Variants in MYO18B observed in about 807,000 individuals in gnomAD.
MYO18B encodes myosin XVIIIB.
MYO18B carries 204 observed loss-of-function variants against 273.0 expected under a neutral mutation model. The ratio of observed to expected loss-of-function variants is 0.75; its 90% CI spans 0.67 to 0.84. The LOEUF (loss-of-function observed/expected upper bound fraction) is 0.84. Among genes scored for constraint, MYO18B ranks in the 40% least tolerant of loss-of-function variants. The pLI is 0.00. For missense variants in MYO18B, 3,212 were observed against 3,287.6 expected, an observed-to-expected ratio of 0.98 and a Z score of 0.56; for synonymous variants, 1,330 against 1,305.7, an observed-to-expected ratio of 1.02 and a Z score of -0.40.
chr22:25,948,432 TTCCTTCCTTCC>T (rs1569224847), intron 36 of MYO18B, among the ~76,000 whole-genome samples: 16 of 129,274 alleles, frequency 1.2e-4, no homozygotes, highest in Non-Finnish European at 1.7e-4. Context: ...CCTTCCTTCC[TTCCTTCCTTCC>T]TTCCTTCCTT....
rs762748484 is a variant in MYO18B at position 25,908,333 on chromosome 22, G to C, written c.5160G>C (p.Arg1720=). 12 of 1,586,622 alleles carry C rather than the reference G, an allele frequency of 7.6e-6. No individual in the cohort carries two copies. Among genetic ancestry groups the C allele is most frequent in the African/African-American group, 2.7e-5 (2 of 74,382 alleles). The change falls in exon 32 of 44, where the codon CGG becomes CGC. Residue 1720 remains arginine (R), a synonymous_variant. Coordinates refer to ENST00000335473, the MANE Select transcript of MYO18B (RefSeq NM_032608.7). ...TIKQLEQLRQ[R]FELEIERMKQ... ...TGCTGCCCCCGCAGCTCCGCCAGCGGTTTGAGCTGGAGATCGAGCGGATGA... is the reference window on the plus strand; with the variant it reads ...TGCTGCCCCCGCAGCTCCGCCAGCGCTTTGAGCTGGAGATCGAGCGGATGA...
intron 39 of MYO18B, among the ~76,000 whole-genome samples, chr22:25,989,801 G>C (rs2093244769): frequency 6.6e-6 from 1 of 151,590 alleles, no homozygotes; most frequent in Admixed American, 6.6e-5. Context: ...GTGGAGCCTG[G>C]GCAGATGCTC....
chr22:25,969,540 G>A (rs2146725856), intron 39 of MYO18B, among the ~76,000 whole-genome samples: 1 of 152,302 alleles, frequency 6.6e-6, no homozygotes, highest in South Asian at 2.1e-4. Flanking sequence ...ACAGCAGAGA[G>A]GAGTATTTGT....
At chr22:26,023,345 A>G (rs1478991996) in intron 42 of MYO18B, among the ~76,000 whole-genome samples, 1 of 152,222 alleles carries the variant, frequency 6.6e-6, no homozygotes, top group African/African-American at 2.4e-5. Flanking sequence ...TACTGGGCTC[A>G]GTGCCAGTTC....
Position 25,770,923 on chromosome 22 carries a change from T to C in MYO18B, c.1631T>C (p.Val544Ala), listed in dbSNP as rs745867259. 6.4e-7 allele frequency: 1 copy of C among 1,551,908 alleles called. No homozygotes were observed. The highest frequency in any genetic ancestry group is 8.7e-7 in the Non-Finnish European group (1 of 1,147,060). ...ACAGCAGACCTGCCAGCAGGAAGGG[T>C]GAGACTTTGGATTGATGCTGACAAA... ...EGTADLPAGR[V>A]RLWIDADKTI... The change falls in exon 6 of 44, where the codon GTG (valine) becomes GCG (alanine). Residue 544 changes from valine to alanine, a missense_variant. Coordinates refer to ENST00000335473, the MANE Select transcript of MYO18B (RefSeq NM_032608.7).
intron 12 of MYO18B, among the ~76,000 whole-genome samples, chr22:25,812,849 G>A (rs2088822635): frequency 6.6e-6 from 1 of 152,206 alleles, no homozygotes; most frequent in Non-Finnish European, 1.5e-5. Flanking sequence ...GAAGGGAAGA[G>A]ACTTTCTCAG....
At chr22:25,930,658 G>A (rs2092486012) in intron 34 of MYO18B, among the ~76,000 whole-genome samples, 1 of 151,896 alleles carries the variant, frequency 6.6e-6, no homozygotes, top group Admixed American at 6.6e-5. Context: ...ATTTTTGCTA[G>A]AGACAAAGTT....
At chr22:25,882,431 A>T (rs910449213) in intron 25 of MYO18B, among the ~76,000 whole-genome samples, 3 of 152,102 alleles carry the variant, frequency 2.0e-5, no homozygotes, top group Non-Finnish European at 2.9e-5. Flanking sequence ...AGGGAAATTT[A>T]TTCCATGGAT....
chr22:25,960,624 C>T (rs569094263), intron 39 of MYO18B, among the ~76,000 whole-genome samples: 5 of 152,310 alleles, frequency 3.3e-5, no homozygotes, highest in South Asian at 2.1e-4. Flanking sequence ...GTCTCCCTCT[C>T]GCTCACATAG....
intron 39 of MYO18B, among the ~76,000 whole-genome samples, chr22:25,970,422 G>C (rs2093024975): frequency 6.6e-6 from 1 of 152,146 alleles, no homozygotes; most frequent in Non-Finnish European, 1.5e-5. Flanking sequence ...GTTCATAGAT[G>C]CCTCCTTCTT....
intron 12 of MYO18B, among the ~76,000 whole-genome samples, chr22:25,800,538 A>T (rs1303922082): frequency 6.6e-6 from 1 of 152,230 alleles, no homozygotes; most frequent in Non-Finnish European, 1.5e-5. Flanking sequence ...AAAATGACAC[A>T]GGAGAGGGAA....
intron 22 of MYO18B, among the ~76,000 whole-genome samples, chr22:25,871,992 G>A (rs1012818690): frequency 2.0e-5 from 3 of 151,514 alleles, no homozygotes; most frequent in Non-Finnish European, 4.4e-5. Flanking sequence ...TTTTTTTATA[G>A]CAGCTTTTGG....
chr22:25,946,163 G>C lies in MYO18B; in HGVS notation c.5544G>C (p.Glu1848Asp). 6.4e-7 allele frequency: 1 copy of C among 1,569,162 alleles called. No homozygotes were observed. Among genetic ancestry groups the C allele is most frequent in the Non-Finnish European group, 8.6e-7 (1 of 1,161,200 alleles). The change falls in exon 35 of 44, where the codon GAG becomes GAC. Residue 1848 changes from glutamate (E) to aspartate (D), a missense_variant. By Grantham distance (45) the Glu-to-Asp change is conservative. Transcript: ENST00000335473. ...SQLEQSEAKC[E>D]EALKTQKVLT... ...TGGAGCAGAGTGAAGCCAAGTGTGAGGAGGCCTTGAAGACGCAGAAGGTGC... is the reference window on the plus strand; with the variant it reads ...TGGAGCAGAGTGAAGCCAAGTGTGACGAGGCCTTGAAGACGCAGAAGGTGC...
intron 11 of MYO18B, among the ~76,000 whole-genome samples, chr22:25,787,911 C>A (rs961312684): frequency 6.6e-6 from 1 of 152,116 alleles, no homozygotes; most frequent in Non-Finnish European, 1.5e-5. Flanking sequence ...CCAAAATATC[C>A]GTATGAATCA....
Position 25,877,975 on chromosome 22 carries a change from T to C in MYO18B, c.4241T>C (p.Leu1414Pro). The C allele has an allele frequency of 6.3e-7, 1 of 1,577,448 alleles. No individual in the cohort carries two copies. The highest frequency in any genetic ancestry group is 1.3e-5 in the African/African-American group (1 of 74,300). ...TTTTTGTAGGAGGAGCTTACAACGC[T>C]AAGACGGAAGCTAGAAAAATCAGAG... ...LRAKEEELTT[L>P]RRKLEKSEKL... is the part of the protein sequence containing the mutation. The change falls in exon 25 of 44, where the codon CTA becomes CCA. Residue 1414 changes from leucine to proline, a missense_variant. Transcript: ENST00000335473.
intron 27 of MYO18B, among the ~76,000 whole-genome samples, chr22:25,892,044 G>A (rs1270230914): frequency 6.6e-6 from 1 of 152,142 alleles, no homozygotes; most frequent in Non-Finnish European, 1.5e-5. Flanking sequence ...TTTTGAGGAA[G>A]GCTGTCTAGT....
chr22:26,055,481 G>A, the MYO18B span, among the ~76,000 whole-genome samples: 1 of 152,172 alleles, frequency 6.6e-6, no homozygotes, highest in East Asian at 1.9e-4. Flanking sequence ...AGTAAATACT[G>A]GGATGCTGAT....
At chr22:25,980,726 A>C (rs2146786770) in intron 39 of MYO18B, among the ~76,000 whole-genome samples, 1 of 152,348 alleles carries the variant, frequency 6.6e-6, no homozygotes, top group African/African-American at 2.4e-5. Flanking sequence ...AGAAACAGAA[A>C]AGCAAAGCAA....
At chr22:25,844,484 A>T (rs2090177770) in intron 18 of MYO18B, among the ~76,000 whole-genome samples, 1 of 152,230 alleles carries the variant, frequency 6.6e-6, no homozygotes, top group Non-Finnish European at 1.5e-5. Context: ...TCAGATGGGC[A>T]CCAGGATGAG....
Sources: gnomAD v4.1 joint callset for allele counts (sites outside exome capture counted in the v4.1 genomes callset) on GRCh38, gnomAD v4.1.1 for gene constraint, MANE v1.5 for transcripts, NCBI Gene and HGNC (gene_info 2026-07-23, HGNC 2026-07-21) for gene names.